The following ADGRB3 variants were observed in gnomAD, a reference collection of about 807,000 sequenced individuals.
ADGRB3 encodes brain-specific angiogenesis inhibitor 3.
Under a neutral mutation model 193.4 loss-of-function variants are expected in ADGRB3, and 37 were observed. The observed-to-expected ratio is 0.19, with a 90% CI of 0.15 to 0.25. The LOEUF (loss-of-function observed/expected upper bound fraction) is 0.25. Among genes scored for constraint, ADGRB3 ranks in the 10% least tolerant of loss-of-function variants. The pLI, the probability that ADGRB3 is intolerant of heterozygous loss-of-function variation, is 1.00. For missense variants in ADGRB3, 1,637 were observed against 1,852.9 expected (o/e 0.88, Z 2.14); for synonymous variants, 690 against 644.2 (o/e 1.07, Z -1.08).
intron 16 of ADGRB3, among the ~76,000 whole-genome samples, chr6:69,074,978 G>A (rs1427371863): frequency 1.3e-5 from 2 of 152,160 alleles, no homozygotes; most frequent in African/African-American, 2.4e-5. Context: ...CTGAATGGGT[G>A]GGATGCCAAA....
At chr6:68,997,214 G>C (rs1405902319) in intron 11 of ADGRB3, among the ~76,000 whole-genome samples, 1 of 152,040 alleles carries the variant, frequency 6.6e-6, no homozygotes, top group East Asian at 1.9e-4. Context: ...TAAATTATTG[G>C]AATGTACTCC....
chr6:68,755,855 T>C lies in ADGRB3; in HGVS notation c.757+116423T>C, dbSNP rs1244846073. ...GTAAAATTGCACCTAAGACTTCATG[T>C]TTTCTGATTAACAGTGTTTTGTTAT... On this transcript the variant is annotated intron_variant, in intron 3 of 31. Transcript: ENST00000370598. 2.0e-5 allele frequency among the ~76,000 whole-genome samples: 3 copies of C among 152,144 alleles called. No homozygotes were observed. In the East Asian group the frequency reaches 5.8e-4, roughly 29 times the overall value.
rs568046979 is a variant in ADGRB3 at position 68,789,714 on chromosome 6, G to C, written c.758-140845G>C. Among the ~76,000 whole-genome samples the C allele has an allele frequency of 1.4e-3, 211 of 152,200 alleles. 1 individual carries two copies. Among genetic ancestry groups the C allele is most frequent in the African/African-American group, 5.0e-3 (206 of 41,506 alleles). ...AATGTTGGCCTGCCTTGCTAGATTG[G>C]GGAAGTTCTCCTGGATAATATCCTG... is the stretch of plus-strand genomic sequence containing the variant. On this transcript the variant is annotated intron_variant, in intron 3 of 31. Transcript: ENST00000370598.
chr6:69,173,906 G>C (rs867700707), intron 17 of ADGRB3, among the ~76,000 whole-genome samples: 140 of 152,292 alleles, frequency 9.2e-4, no homozygotes, highest in African/African-American at 3.3e-3. Flanking sequence ...AAGTAATGGA[G>C]AACATGCAGG....
In ADGRB3 at chr6:69,336,489, T is replaced by C. The variant is rs560303723; in HGVS notation, c.3189-2427T>C. On this transcript the variant is annotated intron_variant, in intron 24 of 31. Transcript: ENST00000370598. The stretch of plus-strand genomic sequence containing the variant: ...GTTATTAACAATAAATCAGTCAGAC[T>C]TTTTTTCTTTAAAGAAAAAGGAAAA... 2.7e-4 allele frequency among the ~76,000 whole-genome samples: 41 copies of C among 152,044 alleles called. 1 individual carries two copies. In the East Asian group the frequency reaches 6.9e-3, roughly 26 times the overall value.
chr6:69,349,653 A>C (rs1381793508), intron 26 of ADGRB3, among the ~76,000 whole-genome samples: 1 of 152,190 alleles, frequency 6.6e-6, no homozygotes, highest in Non-Finnish European at 1.5e-5. Flanking sequence ...TTAAAATATG[A>C]AACAATGGTA....
intron 17 of ADGRB3, among the ~76,000 whole-genome samples, chr6:69,141,377 C>T (rs923807888): frequency 6.6e-6 from 1 of 151,936 alleles, no homozygotes; most frequent in Admixed American, 6.6e-5. Context: ...CCCGCCTCGG[C>T]CTCCCAAAGT....
chr6:68,986,548 A>G (rs1769082061), intron 10 of ADGRB3, among the ~76,000 whole-genome samples: 1 of 152,224 alleles, frequency 6.6e-6, no homozygotes, highest in Non-Finnish European at 1.5e-5. Flanking sequence ...TCTTTTTCAC[A>G]TAGAATAATC....
intron 31 of ADGRB3, among the ~76,000 whole-genome samples, chr6:69,387,432 T>G (rs1295781605): frequency 6.6e-6 from 1 of 152,184 alleles, no homozygotes; most frequent in African/African-American, 2.4e-5. Context: ...ATCCTAAAAA[T>G]TAACCTTTCA....
intron 20 of ADGRB3, among the ~76,000 whole-genome samples, chr6:69,301,976 G>T (rs1360896464): frequency 1.3e-5 from 2 of 151,906 alleles, no homozygotes; most frequent in Middle Eastern, 3.2e-3. Flanking sequence ...TGTAAGCAAA[G>T]AATGGTTTGA....
intron 3 of ADGRB3, among the ~76,000 whole-genome samples, chr6:68,667,503 C>T (rs1220125746): frequency 6.6e-6 from 1 of 151,786 alleles, no homozygotes; most frequent in Admixed American, 6.6e-5. Context: ...TCCGTAGAAC[C>T]TGAGAAAGTC....
chr6:69,358,277 C>G (rs1172756691), intron 28 of ADGRB3, among the ~76,000 whole-genome samples: 2 of 151,890 alleles, frequency 1.3e-5, no homozygotes, highest in African/African-American at 4.8e-5. Flanking sequence ...GGGTCTGAAA[C>G]TGGAGGTTGG....
At chr6:69,311,133 CT>C (rs1768181918) in intron 20 of ADGRB3, among the ~76,000 whole-genome samples, 3 of 151,754 alleles carry the variant, frequency 2.0e-5, no homozygotes, top group Admixed American at 1.3e-4. Flanking sequence ...TTCAGTATTT[CT>C]TAACCAGTGG....
At chr6:68,959,577 T>G (rs1467301477) in intron 8 of ADGRB3, among the ~76,000 whole-genome samples, 4 of 152,144 alleles carry the variant, frequency 2.6e-5, no homozygotes, top group African/African-American at 9.6e-5. Flanking sequence ...AAAATAATGA[T>G]TAATCATCTG....
chr6:68,779,745 G>A (rs1034588220), intron 3 of ADGRB3, among the ~76,000 whole-genome samples: 1 of 152,044 alleles, frequency 6.6e-6, no homozygotes, highest in African/African-American at 2.4e-5. Context: ...GAGTCACACA[G>A]CATTTATTCA....
intron 6 of ADGRB3, among the ~76,000 whole-genome samples, chr6:68,950,247 C>T (rs556360614): frequency 6.6e-6 from 1 of 152,118 alleles, no homozygotes; most frequent in South Asian, 2.1e-4. Context: ...TGTAGCAACA[C>T]GGTCCCACTG....
intron 15 of ADGRB3, among the ~76,000 whole-genome samples, chr6:69,051,897 A>T (rs1317916868): frequency 1.3e-5 from 2 of 152,014 alleles, no homozygotes; most frequent in Non-Finnish European, 2.9e-5. Flanking sequence ...TGTAATAATT[A>T]ATTTTCTTTT....
intron 3 of ADGRB3, among the ~76,000 whole-genome samples, chr6:68,692,295 G>T (rs1012102894): frequency 6.6e-6 from 1 of 151,732 alleles, no homozygotes; most frequent in African/African-American, 2.4e-5. Context: ...TAACTACTTT[G>T]ATTATCCCCT....
intron 17 of ADGRB3, among the ~76,000 whole-genome samples, chr6:69,220,078 A>G (rs1379316251): frequency 1.3e-5 from 2 of 152,032 alleles, no homozygotes; most frequent in African/African-American, 4.8e-5. Context: ...TAGTAATGAA[A>G]ATAAGGATAT....
Sources: gnomAD v4.1 joint callset for allele counts (sites outside exome capture counted in the v4.1 genomes callset) on GRCh38, gnomAD v4.1.1 for gene constraint, MANE v1.5 for transcripts, NCBI Gene and HGNC (gene_info 2026-07-23, HGNC 2026-07-21) for gene names.